The following HS3ST5 variants were observed in gnomAD, a reference collection of about 807,000 sequenced individuals.
HS3ST5 encodes heparan sulfate-glucosamine 3-sulfotransferase 5, also known as heparan sulfate glucosamine 3-O-sulfotransferase 5.
HS3ST5 carries 10 observed loss-of-function variants against 25.4 expected under a neutral mutation model. The ratio of observed to expected loss-of-function variants is 0.39; its 90% CI spans 0.24 to 0.67. The LOEUF is 0.67. HS3ST5 is among the 30% of genes least tolerant of loss of function. HS3ST5 has a pLI of 0.44. For synonymous variants in HS3ST5, 170 were observed against 162.4 expected (o/e 1.05, Z -0.36); for missense variants, 324 against 420.7 (o/e 0.77, Z 2.01).
chr6:114,074,950 C>T (rs1489653519), intron 3 of HS3ST5, among the ~76,000 whole-genome samples: 1 of 152,058 alleles, frequency 6.6e-6, no homozygotes, highest in Admixed American at 6.6e-5. Flanking sequence ...TTGCCAGAGG[C>T]ACCTTTCTTC....
chr6:114,331,108 C>A (rs1399988470), intron 1 of HS3ST5, among the ~76,000 whole-genome samples: 1 of 152,160 alleles, frequency 6.6e-6, no homozygotes, highest in East Asian at 1.9e-4. Context: ...TACCTGTAGA[C>A]CAAGAATGGC....
intron 2 of HS3ST5, among the ~76,000 whole-genome samples, chr6:114,212,407 C>T (rs536167879): frequency 6.6e-6 from 1 of 152,256 alleles, no homozygotes; most frequent in South Asian, 2.1e-4. Context: ...ATGAGCACTC[C>T]TCCAATTTAT....
intron 3 of HS3ST5, among the ~76,000 whole-genome samples, chr6:114,110,814 TGTA>T (rs1475651209): frequency 6.6e-6 from 1 of 152,234 alleles, no homozygotes; most frequent in Non-Finnish European, 1.5e-5. Flanking sequence ...TATTCTATAA[TGTA>T]GTGGCTTCAA....
At chr6:114,321,374 T>G (rs926655631) in intron 1 of HS3ST5, among the ~76,000 whole-genome samples, 14 of 152,118 alleles carry the variant, frequency 9.2e-5, no homozygotes, top group African/African-American at 3.4e-4. Flanking sequence ...AGAGGTGTTC[T>G]CAAGGTCTTT....
chr6:114,277,708 G>A (rs541721549), intron 1 of HS3ST5, among the ~76,000 whole-genome samples: 7 of 151,920 alleles, frequency 4.6e-5, no homozygotes, highest in African/African-American at 9.6e-5. Context: ...AAACTGCTCC[G>A]TACTTGAGTA....
At chr6:114,281,701 G>A (rs1197094879) in intron 1 of HS3ST5, 2 of 151,950 alleles carry the variant, frequency 1.3e-5, no homozygotes, top group African/African-American at 4.8e-5. Flanking sequence ...GTCCAGGCAT[G>A]GTGTGAAATC....
At chr6:114,321,306 C>A (rs1165914261) in intron 1 of HS3ST5, among the ~76,000 whole-genome samples, 1 of 152,020 alleles carries the variant, frequency 6.6e-6, no homozygotes, top group Non-Finnish European at 1.5e-5. Context: ...ATAAACCTAC[C>A]TTTAGCTGAA....
intron 2 of HS3ST5, among the ~76,000 whole-genome samples, chr6:114,219,181 C>G (rs530974841): frequency 6.6e-6 from 1 of 152,296 alleles, no homozygotes; most frequent in African/African-American, 2.4e-5. Context: ...TATTATATTA[C>G]ACTATATTGT....
chr6:114,317,802 C>CGGGGGGG (rs35127490), intron 1 of HS3ST5, among the ~76,000 whole-genome samples: 18 of 68,568 alleles, frequency 2.6e-4, no homozygotes, highest in East Asian at 9.2e-4. Flanking sequence ...AGGCGGGGGG[C>CGGGGGGG]GGGGGGGTAG....
At chr6:114,239,697 A>C (rs1353768041) in intron 1 of HS3ST5, among the ~76,000 whole-genome samples, 1 of 152,168 alleles carries the variant, frequency 6.6e-6, no homozygotes, top group East Asian at 1.9e-4. Context: ...CAGCAGGCAC[A>C]GGTGAAATCC....
At chr6:114,218,823 T>G (rs1484267587) in intron 2 of HS3ST5, among the ~76,000 whole-genome samples, 1 of 152,230 alleles carries the variant, frequency 6.6e-6, no homozygotes, top group Non-Finnish European at 1.5e-5. Flanking sequence ...AATCTATTTT[T>G]TTTTGCTTAA....
chr6:114,084,830 T>C, intron 3 of HS3ST5: 1 of 639,380 alleles, frequency 1.6e-6, no homozygotes, highest in Non-Finnish European at 2.8e-6. Context: ...TTTCTTTTCT[T>C]TTCTTTTTTT....
At chr6:114,319,007 A>AAAAAC (rs575969521) in intron 1 of HS3ST5, among the ~76,000 whole-genome samples, 9 of 152,118 alleles carry the variant, frequency 5.9e-5, no homozygotes, top group African/African-American at 1.9e-4. Flanking sequence ...TTTGTTTGCA[A>AAAAAC]AAAACAAAAC....
intron 3 of HS3ST5, among the ~76,000 whole-genome samples, chr6:114,100,349 A>G (rs1716219493): frequency 6.6e-6 from 1 of 152,172 alleles, no homozygotes; most frequent in Admixed American, 6.5e-5. Context: ...TGATGTCTGG[A>G]CATGTGTAGT....
intron 1 of HS3ST5, among the ~76,000 whole-genome samples, chr6:114,308,604 A>C (rs913112095): frequency 1.3e-5 from 2 of 152,048 alleles, no homozygotes; most frequent in Non-Finnish European, 2.9e-5. Flanking sequence ...AAAAACAAAA[A>C]CAAAAACTAA....
chr6:114,135,985 G>A (rs1440571397), intron 3 of HS3ST5, among the ~76,000 whole-genome samples: 2 of 152,214 alleles, frequency 1.3e-5, no homozygotes, highest in African/African-American at 4.8e-5. Context: ...GGAAGGCAGA[G>A]ATCCTTGTGT....
At chr6:114,100,371 G>A (rs1157034896) in intron 3 of HS3ST5, among the ~76,000 whole-genome samples, 1 of 152,106 alleles carries the variant, frequency 6.6e-6, no homozygotes, top group Non-Finnish European at 1.5e-5. Context: ...TTGTGGAAAG[G>A]AACCTTATTT....
At chr6:114,290,897 T>C (rs1249673402) in intron 1 of HS3ST5, among the ~76,000 whole-genome samples, 1 of 152,092 alleles carries the variant, frequency 6.6e-6, no homozygotes, top group Non-Finnish European at 1.5e-5. Context: ...AAATATGTTG[T>C]AAACAATCTA....
chr6:114,256,052 T>A (rs533562928), intron 1 of HS3ST5, among the ~76,000 whole-genome samples: 7 of 152,302 alleles, frequency 4.6e-5, no homozygotes, highest in Admixed American at 1.3e-4. Flanking sequence ...TTATGCTCTG[T>A]TTCCCTTTTA....
Sources: gnomAD v4.1 joint callset for allele counts (sites outside exome capture counted in the v4.1 genomes callset) on GRCh38, gnomAD v4.1.1 for gene constraint, MANE v1.5 for transcripts, NCBI Gene and HGNC (gene_info 2026-07-23, HGNC 2026-07-21) for gene names.